The following COL26A1 variants were observed in gnomAD, a reference collection of about 807,000 sequenced individuals.
COL26A1 encodes the protein collagen type XXVI alpha 1 chain, also known as collagen alpha-1(XXVI) chain.
A neutral mutation model predicts 59.3 loss-of-function variants in COL26A1; 41 were observed. The observed-to-expected ratio is 0.69, with a 90% CI of 0.54 to 0.90. COL26A1 has a LOEUF of 0.90. Among genes scored for constraint, COL26A1 ranks in the 40% least tolerant of loss-of-function variants. The pLI, the probability that COL26A1 is intolerant of heterozygous loss-of-function variation, is 0.00. For synonymous variants in COL26A1, 266 were observed against 256.0 expected (o/e 1.04, Z -0.37); for missense variants, 612 against 602.3 (o/e 1.02, Z -0.17).
intron 3 of COL26A1, among the ~76,000 whole-genome samples, chr7:101,475,264 TCTGTGTCC>T (rs1794004630): frequency 6.6e-6 from 1 of 152,018 alleles, no homozygotes; most frequent in Non-Finnish European, 1.5e-5. Context: ...CAGATTCTTC[TCTGTGTCC>T]CTGTGTCCTC....
chr7:101,392,133 A>C (rs1317036079), intron 1 of COL26A1, among the ~76,000 whole-genome samples: 1 of 152,114 alleles, frequency 6.6e-6, no homozygotes, highest in African/African-American at 2.4e-5. Flanking sequence ...ATTCTGGCAG[A>C]GGAGGGAGAA....
intron 1 of COL26A1, among the ~76,000 whole-genome samples, chr7:101,366,898 G>A (rs1427402747): frequency 1.3e-5 from 2 of 152,176 alleles, no homozygotes; most frequent in South Asian, 2.1e-4. Flanking sequence ...GTGTAGGAAA[G>A]TCTTCCCCCT....
chr7:101,489,081 G>T (rs1159709022), intron 3 of COL26A1, among the ~76,000 whole-genome samples: 1 of 152,156 alleles, frequency 6.6e-6, no homozygotes, highest in Non-Finnish European at 1.5e-5. Flanking sequence ...ACCGCCCATG[G>T]CATCTGTCTG....
intron 5 of COL26A1, among the ~76,000 whole-genome samples, chr7:101,543,102 A>G (rs1434487891): frequency 1.3e-5 from 2 of 151,900 alleles, no homozygotes; most frequent in Non-Finnish European, 2.9e-5. Flanking sequence ...TCCCCACCAT[A>G]CCACAGTCCC....
intron 3 of COL26A1, among the ~76,000 whole-genome samples, chr7:101,470,777 A>G (rs1217180132): frequency 1.3e-5 from 2 of 151,988 alleles, no homozygotes; most frequent in African/African-American, 4.8e-5. Context: ...ATCATTGGCC[A>G]TTGTTGATTA....
At chr7:101,554,592 T>TAAAAAA (rs1795928024) in intron 11 of COL26A1, among the ~76,000 whole-genome samples, 1 of 100,276 alleles carries the variant, frequency 1.0e-5, no homozygotes, top group Non-Finnish European at 2.1e-5. Flanking sequence ...AAAAAAAAAG[T>TAAAAAA]AATGAGACAG....
At chr7:101,533,264 G>T in intron 4 of COL26A1, 121 bp downstream of exon 4, 1 of 753,714 alleles carries the variant, frequency 1.3e-6, no homozygotes. Flanking sequence ...TTCCAAGCAG[G>T]CTTGGACAGC....
intron 1 of COL26A1, among the ~76,000 whole-genome samples, chr7:101,391,254 G>A (rs754139852): frequency 6.6e-6 from 1 of 152,194 alleles, no homozygotes; most frequent in Non-Finnish European, 1.5e-5. Context: ...AGCATATAGG[G>A]GGGTGTGGGT....
chr7:101,502,572 G>A (rs1254827035), intron 3 of COL26A1, among the ~76,000 whole-genome samples: 2 of 152,216 alleles, frequency 1.3e-5, no homozygotes, highest in Admixed American at 6.5e-5. Flanking sequence ...GGGACTGGCA[G>A]GTGCTGTGGA....
intron 2 of COL26A1, among the ~76,000 whole-genome samples, chr7:101,432,796 G>A (rs367864997): frequency 6.6e-6 from 1 of 152,156 alleles, no homozygotes; most frequent in East Asian, 1.9e-4. Flanking sequence ...TCTGCCTTCT[G>A]GGTTCAACCG....
chr7:101,463,693 CTTTT>C (rs201096042), intron 3 of COL26A1, among the ~76,000 whole-genome samples: 11 of 75,332 alleles, frequency 1.5e-4, no homozygotes, highest in East Asian at 7.8e-4. Context: ...CCCTTTCTTT[CTTTT>C]TCTCTCTCTT....
At chr7:101,426,894 G>T (rs17135414) in intron 2 of COL26A1, among the ~76,000 whole-genome samples, 15,744 of 152,186 alleles carry the variant, frequency 0.1, 1,230 homozygotes, top group African/African-American at 0.22. Flanking sequence ...CGCTCTCTGA[G>T]GTTAGGGTGG....
At chr7:101,405,311 C>T (rs1473652076) in intron 1 of COL26A1, among the ~76,000 whole-genome samples, 1 of 151,586 alleles carries the variant, frequency 6.6e-6, no homozygotes, top group Non-Finnish European at 1.5e-5. Flanking sequence ...GGAAAGGAGA[C>T]AAGACTTTTT....
intron 3 of COL26A1, among the ~76,000 whole-genome samples, chr7:101,478,412 G>A (rs1794094744): frequency 6.6e-6 from 1 of 152,184 alleles, no homozygotes; most frequent in Admixed American, 6.5e-5. Flanking sequence ...GTGTCCTTTT[G>A]TAAAATTAGG....
At chr7:101,478,261 A>G (rs1483943651) in intron 3 of COL26A1, among the ~76,000 whole-genome samples, 1 of 152,188 alleles carries the variant, frequency 6.6e-6, no homozygotes, top group Non-Finnish European at 1.5e-5. Context: ...GATTACAGGC[A>G]TGAGCCGCCA....
rs1320398657 is a variant in COL26A1 at position 101,488,173 on chromosome 7, T to C, written c.385+40386T>C. Among the ~76,000 whole-genome samples the C allele has an allele frequency of 4.7e-5, 7 of 149,250 alleles. No homozygotes were observed. In the South Asian group the frequency reaches 1.5e-3, roughly 32 times the overall value. On this transcript the variant is annotated intron_variant, in intron 3 of 12. Coordinates refer to ENST00000313669, the MANE Select transcript of COL26A1 (RefSeq NM_001278563.3). Reference sequence around the variant, plus strand: ...GGCGGGTGCCTGTAATCCTAGCTACTGGGAGGCTGAGGCACAAGAATCGCT... The same window carrying C: ...GGCGGGTGCCTGTAATCCTAGCTACCGGGAGGCTGAGGCACAAGAATCGCT...
intron 3 of COL26A1, among the ~76,000 whole-genome samples, chr7:101,491,406 C>T (rs1166391113): frequency 2.0e-5 from 3 of 152,046 alleles, no homozygotes; most frequent in Admixed American, 1.3e-4. Context: ...AAAGGGGTCC[C>T]AATAGAGACC....
At chr7:101,478,055 T>C (rs540480406) in intron 3 of COL26A1, among the ~76,000 whole-genome samples, 6 of 152,232 alleles carry the variant, frequency 3.9e-5, no homozygotes, top group Non-Finnish European at 7.3e-5. Context: ...AGATCTCGCC[T>C]CACTGCAACT....
At chr7:101,532,009 T>A (rs761015645) in intron 3 of COL26A1, among the ~76,000 whole-genome samples, 2 of 152,132 alleles carry the variant, frequency 1.3e-5, no homozygotes, top group Non-Finnish European at 2.9e-5. Flanking sequence ...GTGATGGGGA[T>A]GTGCAGGGTC....
Sources: allele counts gnomAD v4.1 joint callset (sites outside exome capture counted in the v4.1 genomes callset), GRCh38; gene constraint gnomAD v4.1.1; transcripts MANE v1.5; gene names NCBI Gene and HGNC (gene_info 2026-07-23, HGNC 2026-07-21).